Variants in ADTRP observed in about 807,000 individuals in gnomAD.
ADTRP encodes androgen dependent TFPI regulating protein.
ADTRP carries 20 observed loss-of-function variants against 27.0 expected under a neutral mutation model. That is an observed-to-expected ratio of 0.74 (90% CI 0.52 to 1.08). ADTRP has a LOEUF of 1.08. ADTRP is among the 50% of genes least tolerant of loss of function. The pLI is 0.00. For missense variants in ADTRP, 251 were observed against 275.0 expected (o/e 0.91, Z 0.62); for synonymous variants, 101 against 105.2 (o/e 0.96, Z 0.25).
At chr6:11,727,931 A>C (rs868643751) in intron 4 of ADTRP, among the ~76,000 whole-genome samples, 2 of 129,176 alleles carry the variant, frequency 1.5e-5, no homozygotes, top group Non-Finnish European at 3.5e-5. Flanking sequence ...GGAAGGAAGG[A>C]AGGACGGAAA....
intron 4 of ADTRP, among the ~76,000 whole-genome samples, chr6:11,734,322 C>T (rs1040239633): frequency 3.7e-4 from 57 of 152,354 alleles, no homozygotes; most frequent in African/African-American, 1.3e-3. Flanking sequence ...AATCACACAA[C>T]TTTTTCTTGG....
At chr6:11,737,146 T>C (rs532391745) in intron 3 of ADTRP, among the ~76,000 whole-genome samples, 2 of 152,264 alleles carry the variant, frequency 1.3e-5, no homozygotes, top group Non-Finnish European at 2.9e-5. Context: ...TGTGTTTTCA[T>C]TTATTGATAA....
chr6:11,719,582 G>A (rs1761945800), intron 5 of ADTRP, among the ~76,000 whole-genome samples: 1 of 152,182 alleles, frequency 6.6e-6, no homozygotes, highest in South Asian at 2.1e-4. Flanking sequence ...CTGTCACATT[G>A]AATGGGTCTT....
In ADTRP at chr6:11,762,614, CTG is replaced by C. The variant is rs201222171; in HGVS notation, c.390+3658_390+3659del. ...ATGAAACTTTTTCAGTTCTAAGACT[CTG>C]TGATCATGGATTGAGAATAAGCTAG... On this transcript the variant is annotated intron_variant, in intron 3 of 5. Coordinates refer to ENST00000414691, the MANE Select transcript of ADTRP (RefSeq NM_032744.4). Among the ~76,000 whole-genome samples, 1,040 of 152,296 alleles carry C rather than the reference CTG, an allele frequency of 6.8e-3. 12 individuals carry two copies. The highest frequency in any genetic ancestry group is 0.024 in the African/African-American group (999 of 41,540).
At chr6:11,758,568 T>TGGG (rs1763287314) in intron 3 of ADTRP, among the ~76,000 whole-genome samples, 1 of 8,526 alleles carries the variant, frequency 1.2e-4, no homozygotes, top group Non-Finnish European at 2.5e-4. Flanking sequence ...CGGGGACTGT[T>TGGG]GTGGGGTGGG....
rs568434200 is a variant in ADTRP at position 11,742,886 on chromosome 6, G to A, written c.391-7203C>T. ...TTTGTTTTTGTTCCAATTGTGAATC[G>A]GACACCAGCCAGGATTTTATTCTTT... is the stretch of plus-strand genomic sequence containing the variant. On this transcript the variant is annotated intron_variant, in intron 3 of 5. Transcript: ENST00000414691. Among the ~76,000 whole-genome samples the A allele has an allele frequency of 3.9e-5, 6 of 152,234 alleles. No individual in the cohort carries two copies. In the East Asian group the frequency reaches 5.8e-4, roughly 15 times the overall value.
intron 1 of ADTRP, among the ~76,000 whole-genome samples, chr6:11,774,560 G>A (rs557695918): frequency 3.9e-4 from 59 of 151,946 alleles, no homozygotes; most frequent in Non-Finnish European, 5.6e-4. Context: ...TGATGACGAC[G>A]GAGCTGCCTG....
chr6:11,729,490 C>G (rs2294429), intron 4 of ADTRP, among the ~76,000 whole-genome samples: 3,058 of 152,184 alleles, frequency 0.02, 94 homozygotes, highest in African/African-American at 0.07. Flanking sequence ...GCTCCTTCCC[C>G]CTCCTGTCCC....
intron 1 of ADTRP, among the ~76,000 whole-genome samples, chr6:11,774,426 C>A (rs1021678450): frequency 2.0e-5 from 3 of 152,178 alleles, no homozygotes; most frequent in African/African-American, 7.2e-5. Flanking sequence ...TCTCACTGTT[C>A]ACAGGCTGCC....
intron 1 of ADTRP, among the ~76,000 whole-genome samples, chr6:11,776,542 G>A (rs1025012464): frequency 3.3e-5 from 5 of 152,256 alleles, no homozygotes; most frequent in Non-Finnish European, 7.3e-5. Context: ...GAGAGATGCT[G>A]TGAAAATCAG....
intron 3 of ADTRP, among the ~76,000 whole-genome samples, chr6:11,740,790 G>A (rs1352919837): frequency 1.3e-5 from 2 of 152,182 alleles, no homozygotes; most frequent in Non-Finnish European, 2.9e-5. Flanking sequence ...TCTGAAAGCA[G>A]AGACCATCTG....
intron 5 of ADTRP, among the ~76,000 whole-genome samples, chr6:11,721,675 CTCTT>C (rs1414165560): frequency 1.3e-5 from 2 of 152,150 alleles, no homozygotes; most frequent in South Asian, 2.1e-4. Context: ...TTACAATCGT[CTCTT>C]TCTACTTGAA....
At chr6:11,725,253 C>A (rs1762150940) in intron 4 of ADTRP, among the ~76,000 whole-genome samples, 1 of 152,130 alleles carries the variant, frequency 6.6e-6, no homozygotes, top group Non-Finnish European at 1.5e-5. Context: ...GAATGGGAAA[C>A]AATATTTCTA....
intron 3 of ADTRP, among the ~76,000 whole-genome samples, chr6:11,749,974 C>T (rs1057304663): frequency 5.3e-5 from 8 of 152,224 alleles, no homozygotes; most frequent in Non-Finnish European, 7.4e-5. Flanking sequence ...GCCTCTGCTT[C>T]GGGTGGTAGG....
intron 2 of ADTRP, chr6:11,767,818 A>T (rs1349005007): frequency 1.3e-5 from 2 of 154,462 alleles, no homozygotes; most frequent in Non-Finnish European, 2.9e-5. Flanking sequence ...TCAAAAAAAA[A>T]ATTATTTGAT....
At chr6:11,729,020 A>G (rs1462065117) in intron 4 of ADTRP, among the ~76,000 whole-genome samples, 1 of 152,222 alleles carries the variant, frequency 6.6e-6, no homozygotes, top group Non-Finnish European at 1.5e-5. Context: ...ACCAAATGGC[A>G]GCCAAAAATT....
intron 4 of ADTRP, among the ~76,000 whole-genome samples, chr6:11,726,340 G>C (rs1199141206): frequency 6.6e-6 from 1 of 152,140 alleles, no homozygotes; most frequent in Non-Finnish European, 1.5e-5. Flanking sequence ...GGGAGGGGGA[G>C]CCTAGTGGGA....
chr6:11,760,643 C>A (rs1763365043), intron 3 of ADTRP, among the ~76,000 whole-genome samples: 1 of 152,168 alleles, frequency 6.6e-6, no homozygotes, highest in Admixed American at 6.5e-5. Context: ...AGATGTATGT[C>A]ACCATCCCAG....
At chr6:11,758,240 TA>T (rs1763275491) in intron 3 of ADTRP, among the ~76,000 whole-genome samples, 1 of 152,192 alleles carries the variant, frequency 6.6e-6, no homozygotes, top group African/African-American at 2.4e-5. Context: ...TATTGTCTTT[TA>T]TCCCCTGCTA....
Sources: gnomAD v4.1 joint callset for allele counts (sites outside exome capture counted in the v4.1 genomes callset) on GRCh38, gnomAD v4.1.1 for gene constraint, MANE v1.5 for transcripts, NCBI Gene and HGNC (gene_info 2026-07-23, HGNC 2026-07-21) for gene names.